The following EIF3E variants were observed in gnomAD, a reference collection of about 807,000 sequenced individuals.
EIF3E encodes the protein eIF-3 p48.
A neutral mutation model predicts 59.3 loss-of-function variants in EIF3E; 25 were observed. The ratio of observed to expected loss-of-function variants is 0.42; its 90% CI spans 0.31 to 0.59. The LOEUF (loss-of-function observed/expected upper bound fraction) is 0.59, where lower values mean the gene tolerates loss of function less well. Ranked by LOEUF, EIF3E falls within the 20% of genes least tolerant of loss-of-function variation. EIF3E has a pLI of 0.15. For synonymous variants in EIF3E, 176 were observed against 170.2 expected (o/e 1.03, Z -0.26); for missense variants, 317 against 534.3 (o/e 0.59, Z 4.01).
At chr8:108,246,328 CTCTAT>C (rs1261388101) in intron 1 of EIF3E, among the ~76,000 whole-genome samples, 2 of 151,138 alleles carry the variant, frequency 1.3e-5, no homozygotes, top group East Asian at 2.0e-4. Context: ...GGATCACTGA[CTCTAT>C]TCTAACCATT....
At chr8:108,246,347 C>A (rs1324965113) in intron 1 of EIF3E, among the ~76,000 whole-genome samples, 2 of 151,526 alleles carry the variant, frequency 1.3e-5, no homozygotes, top group Admixed American at 1.3e-4. Context: ...AACCATTTTG[C>A]CTTCAAGACT....
chr8:108,234,262 A>C (rs1815681680), intron 5 of EIF3E: 1 of 152,130 alleles, frequency 6.6e-6, no homozygotes, highest in Non-Finnish European at 1.5e-5. Context: ...CAAACTCCAG[A>C]CCTCAGGTGA....
intron 12 of EIF3E, among the ~76,000 whole-genome samples, 158 bp downstream of exon 12, chr8:108,202,825 C>G (rs1815018721): frequency 6.6e-6 from 1 of 151,944 alleles, no homozygotes; most frequent in Admixed American, 6.6e-5. Flanking sequence ...TATAATACAT[C>G]TAAGAAAAAA....
At chr8:108,230,439 A>G (rs1815601042) in intron 5 of EIF3E, among the ~76,000 whole-genome samples, 1 of 152,190 alleles carries the variant, frequency 6.6e-6, no homozygotes, top group East Asian at 1.9e-4. Flanking sequence ...ATAGGTATAC[A>G]GATTTACATA....
intron 10 of EIF3E, among the ~76,000 whole-genome samples, chr8:108,211,249 C>T (rs1815204609): frequency 6.6e-6 from 1 of 152,126 alleles, no homozygotes; most frequent in Non-Finnish European, 1.5e-5. Context: ...CACATCCTCT[C>T]CAGCACCTGT....
At chr8:108,247,471 G>A (rs1815970108) in intron 1 of EIF3E, among the ~76,000 whole-genome samples, 1 of 152,136 alleles carries the variant, frequency 6.6e-6, no homozygotes, top group African/African-American at 2.4e-5. Flanking sequence ...TACATGACAA[G>A]ACATTCTTGG....
At chr8:108,212,756 C>T (rs558458405) in intron 10 of EIF3E, among the ~76,000 whole-genome samples, 5 of 152,122 alleles carry the variant, frequency 3.3e-5, no homozygotes, top group Admixed American at 1.3e-4. Context: ...GAGCAGAGAT[C>T]GCACCACTAT....
At chr8:108,215,062 C>T (rs1038338584) in intron 9 of EIF3E, among the ~76,000 whole-genome samples, 15 of 152,072 alleles carry the variant, frequency 9.9e-5, no homozygotes, top group Non-Finnish European at 1.2e-4. Flanking sequence ...CGGAGTATTT[C>T]TACAATATTA....
At chr8:108,246,290 G>A in intron 1 of EIF3E, among the ~76,000 whole-genome samples, 1 of 149,572 alleles carries the variant, frequency 6.7e-6, no homozygotes, top group Non-Finnish European at 1.5e-5. Context: ...GGTGTGGGGG[G>A]GGGGGGCTGC....
intron 2 of EIF3E, among the ~76,000 whole-genome samples, chr8:108,240,752 C>A (rs927129946): frequency 6.6e-6 from 1 of 152,140 alleles, no homozygotes. Flanking sequence ...GAGGCCAAGG[C>A]GGGCTGATCA....
At chr8:108,224,316 G>A (rs933909100) in intron 7 of EIF3E, among the ~76,000 whole-genome samples, 5 of 151,550 alleles carry the variant, frequency 3.3e-5, no homozygotes. Flanking sequence ...TACCTACTGT[G>A]CTATAAGAAA....
At chr8:108,246,675 T>A (rs982740351) in intron 1 of EIF3E, among the ~76,000 whole-genome samples, 1 of 152,136 alleles carries the variant, frequency 6.6e-6, no homozygotes, top group Non-Finnish European at 1.5e-5. Context: ...CCACTTCCTC[T>A]ACTTCTTCCA....
intron 10 of EIF3E, among the ~76,000 whole-genome samples, chr8:108,211,193 AC>A (rs1331382696): frequency 6.6e-6 from 1 of 152,148 alleles, no homozygotes; most frequent in Non-Finnish European, 1.5e-5. Context: ...CAATGGTTGA[AC>A]TAGTTTACAG....
At chr8:108,234,967 A>AG in intron 5 of EIF3E, 31 bp downstream of exon 5, 1 of 1,341,438 alleles carries the variant, frequency 7.5e-7, no homozygotes, top group East Asian at 2.5e-5. Context: ...AGACAAAAAA[A>AG]AAAAAAAAAA....
chr8:108,210,599 T>A (rs1449903376), intron 10 of EIF3E, among the ~76,000 whole-genome samples: 1 of 152,206 alleles, frequency 6.6e-6, no homozygotes, highest in African/African-American at 2.4e-5. Context: ...AGCCACTGTC[T>A]TTTTTCTATT....
At chr8:108,243,628 CAAAAAAAAAG>C (rs1815886151) in intron 1 of EIF3E, among the ~76,000 whole-genome samples, 1 of 18,220 alleles carries the variant, frequency 5.5e-5, no homozygotes, top group Admixed American at 7.2e-4. Flanking sequence ...GACTCTGTCT[CAAAAAAAAAG>C]AAAAAAAAAA....
chr8:108,216,042 T>C (rs896407825), intron 9 of EIF3E, among the ~76,000 whole-genome samples: 3 of 152,212 alleles, frequency 2.0e-5, no homozygotes, highest in Non-Finnish European at 4.4e-5. Context: ...CAATTCAAAG[T>C]GACCTTGCCT....
At chr8:108,225,949 T>C (rs1022907931) in intron 7 of EIF3E, among the ~76,000 whole-genome samples, 1 of 152,204 alleles carries the variant, frequency 6.6e-6, no homozygotes, top group African/African-American at 2.4e-5. Flanking sequence ...AATGAGAAAA[T>C]TTTTAATTTG....
intron 8 of EIF3E, among the ~76,000 whole-genome samples, chr8:108,217,019 G>A (rs1214714185): frequency 6.6e-6 from 1 of 152,092 alleles, no homozygotes; most frequent in Non-Finnish European, 1.5e-5. Context: ...AATTACACAG[G>A]TAATGACCCC....
Sources: allele counts gnomAD v4.1 joint callset (sites outside exome capture counted in the v4.1 genomes callset), GRCh38; gene constraint gnomAD v4.1.1; transcripts MANE v1.5; gene names NCBI Gene and HGNC (gene_info 2026-07-23, HGNC 2026-07-21).